Variants in LRFN5 observed in about 807,000 individuals in gnomAD.
LRFN5 encodes leucine rich repeat and fibronectin type III domain containing 5.
LRFN5 carries 24 observed loss-of-function variants against 45.6 expected under a neutral mutation model. That is an observed-to-expected ratio of 0.53 (90% confidence interval 0.38 to 0.74). LRFN5 has a LOEUF of 0.74. Among genes scored for constraint, LRFN5 ranks in the 30% least tolerant of loss-of-function variants. LRFN5 has a pLI of 0.00. For synonymous variants in LRFN5, 340 were observed against 313.8 expected (o/e 1.08, Z -0.88); for missense variants, 776 against 861.5 (o/e 0.90, Z 1.24).
intron 2 of LRFN5, among the ~76,000 whole-genome samples, chr14:41,842,829 G>A (rs1476872277): frequency 6.6e-6 from 1 of 151,906 alleles, no homozygotes; most frequent in African/African-American, 2.4e-5. Context: ...TTTTGATGTG[G>A]TTTTAAGTAC....
intron 2 of LRFN5, among the ~76,000 whole-genome samples, chr14:41,856,679 T>TATTATTATTA (rs1566486513): frequency 2.0e-4 from 12 of 60,096 alleles, no homozygotes; most frequent in East Asian, 1.0e-3. Flanking sequence ...ATTATTATTT[T>TATTATTATTA]TTTTTTTTTT....
At chr14:41,857,551 T>C (rs1889513055) in intron 2 of LRFN5, among the ~76,000 whole-genome samples, 1 of 152,220 alleles carries the variant, frequency 6.6e-6, no homozygotes, top group Admixed American at 6.5e-5. Flanking sequence ...TTCTGATTTT[T>C]CTACTGCGTG....
In LRFN5 at chr14:41,740,274, A is replaced by T. The variant is rs547327698; in HGVS notation, c.-196-26580A>T. Among the ~76,000 whole-genome samples, 3 of 152,178 alleles carry T rather than the reference A, an allele frequency of 2.0e-5. No homozygotes were observed. In the South Asian group the frequency reaches 6.2e-4, roughly 32 times the overall value. On this transcript the variant is annotated intron_variant, in intron 1 of 5. Coordinates refer to ENST00000298119, the MANE Select transcript of LRFN5 (RefSeq NM_152447.5). ...AACAACAGGCCAAAATCCCTGATAA[A>T]TATGGAGCAAAAATCCTCAAGAAAA...
At chr14:41,693,781 C>T (rs887697812) in intron 1 of LRFN5, among the ~76,000 whole-genome samples, 1 of 151,750 alleles carries the variant, frequency 6.6e-6, no homozygotes, top group Non-Finnish European at 1.5e-5. Flanking sequence ...CTTCATTATT[C>T]TTGCTTAGAC....
intron 2 of LRFN5, among the ~76,000 whole-genome samples, chr14:41,838,246 A>G (rs373248898): frequency 3.9e-5 from 6 of 152,316 alleles, no homozygotes; most frequent in African/African-American, 1.4e-4. Flanking sequence ...TTCACATAAT[A>G]TATAAACTAT....
At chr14:41,877,153 G>A (rs78804205) in intron 2 of LRFN5, among the ~76,000 whole-genome samples, 2,628 of 152,020 alleles carry the variant, frequency 0.017, 68 homozygotes, top group African/African-American at 0.06. Flanking sequence ...CTTTCTATAC[G>A]ACTGTGAGAA....
At chr14:41,838,786 G>T (rs180677038) in intron 2 of LRFN5, among the ~76,000 whole-genome samples, 1 of 152,254 alleles carries the variant, frequency 6.6e-6, no homozygotes, top group East Asian at 1.9e-4. Flanking sequence ...TTAGACTGAT[G>T]TGGGAATGTT....
intron 2 of LRFN5, among the ~76,000 whole-genome samples, chr14:41,818,246 T>C (rs1887988520): frequency 6.6e-6 from 1 of 152,048 alleles, no homozygotes; most frequent in African/African-American, 2.4e-5. Context: ...TAACTGTATC[T>C]TCAACTCTTC....
intron 2 of LRFN5, among the ~76,000 whole-genome samples, chr14:41,778,701 T>C (rs1368805331): frequency 4.0e-5 from 6 of 151,828 alleles, no homozygotes; most frequent in Non-Finnish European, 8.9e-5. Context: ...CCTTTCTGCC[T>C]CTGTGTGCAA....
intron 1 of LRFN5, among the ~76,000 whole-genome samples, chr14:41,748,355 A>C (rs1385477499): frequency 2.0e-5 from 3 of 152,128 alleles, no homozygotes; most frequent in Non-Finnish European, 4.4e-5. Flanking sequence ...AAAACAACTT[A>C]TATATGATAG....
At chr14:41,688,764 G>T (rs989436798) in intron 1 of LRFN5, among the ~76,000 whole-genome samples, 1 of 152,006 alleles carries the variant, frequency 6.6e-6, no homozygotes, top group African/African-American at 2.4e-5. Context: ...GGTCAATGTA[G>T]ACCTGGAAAT....
chr14:41,796,208 T>C (rs1887125465), intron 2 of LRFN5, among the ~76,000 whole-genome samples: 1 of 152,024 alleles, frequency 6.6e-6, no homozygotes, highest in African/African-American at 2.4e-5. Flanking sequence ...TAAAGATTGA[T>C]ATTACAATTT....
rs1018836680 is a variant in LRFN5 at position 41,779,392 on chromosome 14, T to A, written c.-21+12363T>A. Among the ~76,000 whole-genome samples the A allele has an allele frequency of 2.0e-5, 3 of 151,860 alleles. 1 individual carries two copies. The highest frequency in any genetic ancestry group is 1.9e-4 in the East Asian group (1 of 5,184). ...CAATTTGTTAATATGTTATTAGAAA[T>A]TTTTGGATCTATGTTAAAGAGAGCA... On this transcript the variant is annotated intron_variant, in intron 2 of 5. Transcript: ENST00000298119.
chr14:41,702,591 G>A (rs1187895022), intron 1 of LRFN5, among the ~76,000 whole-genome samples: 1 of 151,948 alleles, frequency 6.6e-6, no homozygotes, highest in Non-Finnish European at 1.5e-5. Flanking sequence ...ACCTCCCAGA[G>A]AGCTGGCTCT....
At chr14:41,760,390 T>C (rs906118185) in intron 1 of LRFN5, among the ~76,000 whole-genome samples, 18 of 152,188 alleles carry the variant, frequency 1.2e-4, no homozygotes, top group African/African-American at 4.1e-4. Context: ...GCCTTGCTTC[T>C]ATTATATCTA....
chr14:41,618,783 AAAATATTTTCAAC>A (rs1475533513), intron 1 of LRFN5, among the ~76,000 whole-genome samples: 1 of 152,218 alleles, frequency 6.6e-6, no homozygotes, highest in African/African-American at 2.4e-5. Context: ...CTCTTTTTAA[AAAATATTTTCAAC>A]AAATATTTGT....
intron 1 of LRFN5, among the ~76,000 whole-genome samples, chr14:41,762,163 T>G (rs1037288510): frequency 6.7e-6 from 1 of 149,186 alleles, no homozygotes; most frequent in Non-Finnish European, 1.5e-5. Flanking sequence ...AACCTTCACC[T>G]AAGTTCTAGC....
intron 2 of LRFN5, among the ~76,000 whole-genome samples, chr14:41,864,373 G>A (rs547730244): frequency 3.3e-5 from 5 of 152,286 alleles, no homozygotes; most frequent in South Asian, 2.1e-4. Flanking sequence ...TCTAACTGGC[G>A]TGAGATGGTA....
At chr14:41,615,082 T>C (rs1485089846) in intron 1 of LRFN5, among the ~76,000 whole-genome samples, 1 of 152,106 alleles carries the variant, frequency 6.6e-6, no homozygotes, top group East Asian at 1.9e-4. Context: ...ATATTCATTT[T>C]AATCTCTGAT....
Sources: allele counts gnomAD v4.1 joint callset (sites outside exome capture counted in the v4.1 genomes callset), GRCh38; gene constraint gnomAD v4.1.1; transcripts MANE v1.5; gene names NCBI Gene and HGNC (gene_info 2026-07-23, HGNC 2026-07-21).